FBRSL1: variants seen among roughly 807,000 people sequenced by gnomAD.
FBRSL1 encodes the protein fibrosin-1-like protein.
A neutral mutation model predicts 89.6 loss-of-function variants in FBRSL1; 51 were observed. That is an observed-to-expected ratio of 0.57 (90% CI 0.45 to 0.72). The LOEUF (loss-of-function observed/expected upper bound fraction) is 0.72, where lower values mean the gene tolerates loss of function less well. FBRSL1 is among the 30% of genes least tolerant of loss of function. FBRSL1 has a pLI of 0.00. For synonymous variants in FBRSL1, 779 were observed against 681.1 expected, an observed-to-expected ratio of 1.14 and a Z score of -2.24; for missense variants, 1,618 against 1,451.8, an observed-to-expected ratio of 1.11 and a Z score of -1.86.
chr12:132,556,154 A>T (rs2038616084), intron 5 of FBRSL1, among the ~76,000 whole-genome samples: 1 of 152,108 alleles, frequency 6.6e-6, no homozygotes, highest in Non-Finnish European at 1.5e-5. Flanking sequence ...GAACATCCCT[A>T]TAGGTGGTTC....
rs1199023808 is a variant in FBRSL1, at chr12:132,577,052, T to A, written c.1834+121T>A. The A allele has an allele frequency of 9.0e-6, 12 of 1,332,998 alleles. No homozygotes were observed. The East Asian group carries it at 2.9e-4, about 32-fold the overall frequency. The allele number at this position is 1,332,998 out of a possible 1,614,324, so 82.6% of individuals were successfully genotyped here. On this transcript the variant is annotated intron_variant, in intron 15 of 18. Transcript: ENST00000680143. ...GGACCGCAGCACCAGCCTTTGCTTC[T>A]TGATGCTCACCACTTATTCAGGTCA...
intron 14 of FBRSL1, among the ~76,000 whole-genome samples, chr12:132,575,674 G>A (rs2040339964): frequency 6.6e-6 from 1 of 152,280 alleles, no homozygotes; most frequent in Non-Finnish European, 1.5e-5. Flanking sequence ...TCGGGGCATG[G>A]TTGCTCCACA....
rs1308643391 is a variant in FBRSL1, at chr12:132,490,880, C to T, written c.291+19C>T. 7.3e-7 allele frequency: 1 copy of T among 1,367,934 alleles called. No individual in the cohort carries two copies. The highest frequency in any genetic ancestry group is 9.4e-7 in the Non-Finnish European group (1 of 1,059,016). 84.7% of individuals were successfully genotyped at this position (1,367,934 alleles called of 1,614,324 possible). Reference sequence around the variant, plus strand: ...CCTGGAGGTAGGTGGACGGGTGCGGCTTCGCAGGCGTTGAGGCGAGAACGG... The same window carrying T: ...CCTGGAGGTAGGTGGACGGGTGCGGTTTCGCAGGCGTTGAGGCGAGAACGG... On this transcript the variant is annotated intron_variant, in intron 1 of 18. Coordinates refer to ENST00000680143, the MANE Select transcript of FBRSL1 (RefSeq NM_001367871.1).
In FBRSL1 at chr12:132,490,281, G is replaced by T. The variant is rs2030620807; in HGVS notation, c.-290G>T. ...GCTCGGCCCGATCGCCGCGCCGCGC[G>T]CATGGGGCGCGCCCCCGGGGGGGCG... On this transcript the variant is annotated 5_prime_UTR_variant, in exon 1 of 19. Transcript: ENST00000680143. 7.1e-6 allele frequency: 1 copy of T among 141,468 alleles called. No homozygotes were observed. The highest frequency in any genetic ancestry group is 1.6e-5 in the Non-Finnish European group (1 of 64,122). The allele number at this position is 141,468 out of a possible 1,614,324, so 8.8% of individuals were successfully genotyped here.
At chr12:132,509,811 G>T in intron 2 of FBRSL1, 1 of 1,231,550 alleles carries the variant, frequency 8.1e-7, no homozygotes, top group Non-Finnish European at 1.0e-6. Context: ...GTCGCTGCTA[G>T]CCCAGTGCCA....
In FBRSL1 at chr12:132,583,649, G is replaced by T; in HGVS notation, c.2880G>T (p.Val960=). The T allele has an allele frequency of 9.8e-7, 1 of 1,025,220 alleles. No individual in the cohort carries two copies. The highest frequency in any genetic ancestry group is 1.2e-6 in the Non-Finnish European group (1 of 855,510). The allele number at this position is 1,025,220 out of a possible 1,614,324, so 63.5% of individuals were successfully genotyped here. A position where few individuals can be genotyped will look rare whatever the true frequency, so the allele number is the denominator to read the frequency against. The change falls in exon 19 of 19, where the codon GTG becomes GTT. Residue 960 remains valine, a synonymous_variant. Coordinates refer to ENST00000680143, the MANE Select transcript of FBRSL1 (RefSeq NM_001367871.1). ...AAALGAPPPL[V]TAAGPPTPPG... ...CCCTCGGCGCACCGCCCCCCCTGGT[G>T]ACGGCGGCCGGGCCCCCCACGCCCC...
chr12:132,574,711 G>A, intron 14 of FBRSL1, 147 bp downstream of exon 14: 2 of 1,106,956 alleles, frequency 1.8e-6, no homozygotes, highest in South Asian at 3.3e-5. Context: ...CTTCCTCTGG[G>A]TACTGGGCTT....
In FBRSL1 at chr12:132,546,738, G is replaced by C. The variant is rs2037722597; in HGVS notation, c.616-1265G>C. ...CCCACAGGCCCACCCCAGCTGCCCA[G>C]CTTCCCCAGGGGTCCCAGCTGGGGT... On this transcript the variant is annotated intron_variant, in intron 4 of 18. Transcript: ENST00000680143. The surrounding 1 kb of genome is among the most constrained non-coding windows in gnomAD (Gnocchi z 4.0). Among the ~76,000 whole-genome samples, 1 of 152,218 alleles carries C rather than the reference G, an allele frequency of 6.6e-6. No individual in the cohort carries two copies.
At chr12:132,526,863 T>G (rs1190747921) in intron 3 of FBRSL1, among the ~76,000 whole-genome samples, 3 of 151,920 alleles carry the variant, frequency 2.0e-5, no homozygotes, top group Non-Finnish European at 4.4e-5. Context: ...TCCCCACCCC[T>G]CCTGCTGGGG....
At chr12:132,503,888 G>A (rs1026381161) in intron 1 of FBRSL1, among the ~76,000 whole-genome samples, 7 of 152,190 alleles carry the variant, frequency 4.6e-5, no homozygotes, top group Admixed American at 3.3e-4. Flanking sequence ...CCAAGCAGCT[G>A]CAGCCTCCCT....
intron 1 of FBRSL1, among the ~76,000 whole-genome samples, chr12:132,497,648 CTGAG>C (rs1305827826): frequency 6.6e-6 from 1 of 152,192 alleles, no homozygotes; most frequent in Non-Finnish European, 1.5e-5. Context: ...TCCAGATGAG[CTGAG>C]TGAGTGGCCC....
At chr12:132,582,386 C>A in intron 18 of FBRSL1, 120 bp downstream of exon 18, 1 of 723,116 alleles carries the variant, frequency 1.4e-6, no homozygotes, top group Non-Finnish European at 2.3e-6. Context: ...TCTCCCTCAC[C>A]GTTCCCCCTC....
At chr12:132,570,812 G>T (rs1329094627) in intron 8 of FBRSL1, among the ~76,000 whole-genome samples, 2 of 151,670 alleles carry the variant, frequency 1.3e-5, no homozygotes, top group African/African-American at 4.9e-5. Context: ...CCCTCCTGGG[G>T]CCAGGCCTCC....
chr12:132,576,923 C>G lies in FBRSL1; in HGVS notation c.1826C>G (p.Pro609Arg). Residue 609 changes from proline to arginine, a missense_variant, in exon 15 of 19, where the codon CCC (proline) becomes CGC (arginine). Physicochemically the swap from Pro to Arg is moderately radical, Grantham distance 103 (BLOSUM62 -2). Coordinates refer to ENST00000680143, the MANE Select transcript of FBRSL1 (RefSeq NM_001367871.1). ...YPQDLARPLF[P>R]STGAAHPASN... ...CAGGACCTGGCCCGGCCCCTCTTCC[C>G]CAGCACAGGTGAGACTGGAGTCGGG... The G allele has an allele frequency of 6.5e-7, 1 of 1,549,914 alleles. No individual in the cohort carries two copies.
At chr12:132,509,600 C>T in intron 2 of FBRSL1, 1 of 1,231,966 alleles carries the variant, frequency 8.1e-7, no homozygotes, top group Non-Finnish European at 1.0e-6. Context: ...TGCGGTCCCT[C>T]CTGGCCCCAC....
intron 1 of FBRSL1, among the ~76,000 whole-genome samples, chr12:132,492,467 C>T (rs772968979): frequency 1.1e-4 from 17 of 152,204 alleles, no homozygotes; most frequent in Non-Finnish European, 2.2e-4. Flanking sequence ...CTGTGCTGTC[C>T]TGTGTGTCTC....
At chr12:132,519,598 G>A (rs762549337) in intron 2 of FBRSL1, among the ~76,000 whole-genome samples, 4 of 152,168 alleles carry the variant, frequency 2.6e-5, no homozygotes, top group African/African-American at 4.8e-5. Context: ...CCTGAGCTTC[G>A]AGCTGTGGGT....
intron 1 of FBRSL1, among the ~76,000 whole-genome samples, chr12:132,506,464 C>T (rs1223636215): frequency 1.3e-5 from 2 of 152,224 alleles, no homozygotes; most frequent in Non-Finnish European, 2.9e-5. Flanking sequence ...CTGCCTGTCC[C>T]CTCTGACTCT....
At chr12:132,492,120 C>T (rs971650902) in intron 1 of FBRSL1, among the ~76,000 whole-genome samples, 2 of 152,216 alleles carry the variant, frequency 1.3e-5, no homozygotes, top group African/African-American at 4.8e-5. Context: ...AAGCCAGGCC[C>T]TGCGCTCGGC....
Sources: gnomAD v4.1 joint callset for allele counts (sites outside exome capture counted in the v4.1 genomes callset) on GRCh38, gnomAD v4.1.1 for gene constraint, Gnocchi (gnomAD v3.1) non-coding constraint, MANE v1.5 for transcripts, NCBI Gene and HGNC (gene_info 2026-07-23, HGNC 2026-07-21) for gene names.